LRRC58: variants seen among roughly 807,000 people sequenced by gnomAD.
The protein encoded by LRRC58 is leucine rich repeat containing 58.
LRRC58 carries 18 observed loss-of-function variants against 30.6 expected under a neutral mutation model. The ratio of observed to expected loss-of-function variants is 0.59; its 90% CI spans 0.41 to 0.87. The LOEUF (loss-of-function observed/expected upper bound fraction) is 0.87. LRRC58 is among the 40% of genes least tolerant of loss of function. LRRC58 has a pLI of 0.00. For missense variants in LRRC58, 420 were observed against 468.4 expected (o/e 0.90, Z 0.95); for synonymous variants, 221 against 206.0 (o/e 1.07, Z -0.62).
rs758558397 is a variant in LRRC58 at position 120,330,118 on chromosome 3, GT to G, written c.*1081del. The stretch of plus-strand genomic sequence containing the variant: ...TTGTGATGTTTTTCTAGTTGTATTA[GT>G]TTTTCTTTAAAAAGTAGAGAAAGAT... On this transcript the variant is annotated 3_prime_UTR_variant, in exon 4 of 4. Transcript: ENST00000295628. 5.9e-5 allele frequency: 9 copies of G among 151,856 alleles called. No homozygotes were observed. The highest frequency in any genetic ancestry group is 5.3e-4 in the Admixed American group (8 of 15,238). 9.4% of individuals were successfully genotyped at this position (151,856 alleles called of 1,614,324 possible). A position where few individuals can be genotyped will look rare whatever the true frequency, so the allele number is the denominator to read the frequency against.
intron 3 of LRRC58, 89 bp from the exon 4 acceptor site, chr3:120,331,497 T>G: frequency 1.1e-6 from 1 of 904,494 alleles, no homozygotes; most frequent in Non-Finnish European, 1.8e-6. Flanking sequence ...TGGAGAAATG[T>G]CATACACCAT....
chr3:120,347,376 A>ATTTTTTTTTTTTT (rs1208688984), intron 1 of LRRC58, among the ~76,000 whole-genome samples: 4 of 51,106 alleles, frequency 7.8e-5, no homozygotes, highest in Admixed American at 2.2e-4. Flanking sequence ...CCAGGCCAAT[A>ATTTTTTTTTTTTT]TTCTTTTTTT....
At chr3:120,347,188 A>G (rs1935978684) in intron 1 of LRRC58, among the ~76,000 whole-genome samples, 1 of 152,074 alleles carries the variant, frequency 6.6e-6, no homozygotes, top group African/African-American at 2.4e-5. Context: ...TTGTATCCCC[A>G]ATACTTGGGA....
At position 120,349,016 on chromosome 3, in the gene LRRC58, G is replaced by T. The variant is rs1487994688; in HGVS notation, c.228C>A (p.Ser76Arg). The T allele has an allele frequency of 6.6e-7, 1 of 1,519,652 alleles. No homozygotes were observed. Among genetic ancestry groups the T allele is most frequent in the Non-Finnish European group, 8.8e-7 (1 of 1,140,962 alleles). 94.1% of individuals were successfully genotyped at this position (1,519,652 alleles called of 1,614,324 possible). The change falls in exon 1 of 4, where the codon AGC becomes AGA. Residue 76 changes from serine (S) to arginine (R), a missense_variant. Around this residue, in one of 2 missense-constraint regions of LRRC58, gnomAD observed 266 missense variants for 251.7 expected, o/e 1.06. Transcript: ENST00000295628. Reference sequence around the variant, plus strand: ...GCCCGAGCGCGGTCAACGCGTTGCCGCTCACGTCCAGCAGCTGGAGGTGCG... The same window carrying T: ...GCCCGAGCGCGGTCAACGCGTTGCCTCTCACGTCCAGCAGCTGGAGGTGCG... ...GFPHLQLLDVSGNALTALGPE... is the reference protein window; with the variant it reads ...GFPHLQLLDVRGNALTALGPE...
intron 1 of LRRC58, among the ~76,000 whole-genome samples, chr3:120,345,115 T>TAAAA (rs5852243): frequency 1.4e-5 from 2 of 147,992 alleles, no homozygotes; most frequent in Non-Finnish European, 3.0e-5. Context: ...CAGAAAACGT[T>TAAAA]AAAAAAAAAA....
At chr3:120,343,024 A>C (rs1935923454) in intron 1 of LRRC58, among the ~76,000 whole-genome samples, 2 of 152,236 alleles carry the variant, frequency 1.3e-5, no homozygotes, top group African/African-American at 4.8e-5. Context: ...ATCATTTGCT[A>C]CTTGATGTCT....
rs1936022500 is a variant in LRRC58 at position 120,349,224 on chromosome 3, G to A, written c.20C>T (p.Ala7Val). Reference sequence around the variant, plus strand: ...TTCGGCCTCCCCGGCCGTGACCACCGCTGCTCCGGCCTCCTCCATCCTGGC... The same window carrying A: ...TTCGGCCTCCCCGGCCGTGACCACCACTGCTCCGGCCTCCTCCATCCTGGC... MEEAGA[A>V]VVTAGEAELN... Residue 7 changes from alanine to valine, a missense_variant, in exon 1 of 4, where the codon GCG becomes GTG. Around this residue, in one of 2 missense-constraint regions of LRRC58, gnomAD observed 266 missense variants for 251.7 expected, o/e 1.06. Coordinates refer to ENST00000295628, the MANE Select transcript of LRRC58 (RefSeq NM_001099678.2). 2 of 1,415,382 alleles carry A rather than the reference G, an allele frequency of 1.4e-6. No homozygotes were observed. Among genetic ancestry groups the A allele is most frequent in the Non-Finnish European group, 1.8e-6 (2 of 1,090,894 alleles). The allele number at this position is 1,415,382 out of a possible 1,614,324, so 87.7% of individuals were successfully genotyped here.
intron 1 of LRRC58, among the ~76,000 whole-genome samples, chr3:120,339,714 A>C (rs1935880507): frequency 6.6e-6 from 1 of 152,046 alleles, no homozygotes; most frequent in Non-Finnish European, 1.5e-5. Flanking sequence ...ATTCATCTTT[A>C]ATGTTCTAAA....
intron 3 of LRRC58, 43 bp from the exon 4 acceptor site, chr3:120,331,451 G>T (rs746570514): frequency 6.8e-7 from 1 of 1,476,128 alleles, no homozygotes; most frequent in Admixed American, 1.7e-5. Flanking sequence ...ACAAAGCAAG[G>T]AATCAATTTC....
chr3:120,324,550 A>G lies in LRRC58; in HGVS notation c.*6650T>C, dbSNP rs1460181153. ...TTTAATGTATGTATTCAATGATGTA[A>G]CAAGTAATCAGGCAAATATCAACAT... On this transcript the variant is annotated 3_prime_UTR_variant, in exon 4 of 4. Transcript: ENST00000295628. The G allele has an allele frequency of 6.6e-6, 1 of 152,238 alleles. No individual in the cohort carries two copies. The highest frequency in any genetic ancestry group is 6.5e-5 in the Admixed American group (1 of 15,284). The allele number at this position is 152,238 out of a possible 1,614,324, so 9.4% of individuals were successfully genotyped here.
rs916384548 is a variant in LRRC58, at chr3:120,329,481, C to T, written c.*1719G>A. On this transcript the variant is annotated 3_prime_UTR_variant, in exon 4 of 4. Coordinates refer to ENST00000295628, the MANE Select transcript of LRRC58 (RefSeq NM_001099678.2). Reference sequence around the variant, plus strand: ...TCAAAAGGAAAACAAAATCTTACTACATTATAACAAGGTAAAGGTGAAGGG... The same window carrying T: ...TCAAAAGGAAAACAAAATCTTACTATATTATAACAAGGTAAAGGTGAAGGG... 2.6e-5 allele frequency: 4 copies of T among 152,012 alleles called. No homozygotes were observed. The highest frequency in any genetic ancestry group is 9.7e-5 in the African/African-American group (4 of 41,428). 9.4% of individuals were successfully genotyped at this position (152,012 alleles called of 1,614,324 possible).
At chr3:120,348,659 A>G in intron 1 of LRRC58, 85 bp downstream of exon 1, 2 of 1,408,106 alleles carry the variant, frequency 1.4e-6, no homozygotes, top group South Asian at 3.1e-5. Flanking sequence ...GTTACGTGAC[A>G]AACGTTGAGG....
chr3:120,347,795 A>G (rs1423969315), intron 1 of LRRC58, among the ~76,000 whole-genome samples: 1 of 152,218 alleles, frequency 6.6e-6, no homozygotes, highest in Admixed American at 6.5e-5. Flanking sequence ...TATCTTACAG[A>G]TGGAAGATAC....
intron 1 of LRRC58, 45 bp downstream of exon 1, chr3:120,348,699 G>T (rs1400124724): frequency 6.7e-7 from 1 of 1,492,422 alleles, no homozygotes; most frequent in Non-Finnish European, 8.9e-7. Context: ...AGGGTTCCCG[G>T]ACACCGCCCG....
rs1372161508 is a variant in LRRC58, at chr3:120,331,101, A to C, written c.*99T>G. 2 of 1,006,290 alleles carry C rather than the reference A, an allele frequency of 2.0e-6. No homozygotes were observed. The highest frequency in any genetic ancestry group is 4.0e-5 in the Admixed American group (2 of 49,474). The allele number at this position is 1,006,290 out of a possible 1,614,324, so 62.3% of individuals were successfully genotyped here. On this transcript the variant is annotated 3_prime_UTR_variant, in exon 4 of 4. Transcript: ENST00000295628. ...ATCCCAGACTCTTTGATGAACACTT[A>C]AGATGAAGATAAGATTTCTAGTGAA...
At chr3:120,339,689 T>C (rs889870035) in intron 1 of LRRC58, among the ~76,000 whole-genome samples, 5 of 152,046 alleles carry the variant, frequency 3.3e-5, no homozygotes, top group Non-Finnish European at 7.4e-5. Flanking sequence ...TCAATAGGAG[T>C]AAAGATTTTT....
At chr3:120,332,358 A>G (rs551672649) in intron 3 of LRRC58, among the ~76,000 whole-genome samples, 3 of 152,100 alleles carry the variant, frequency 2.0e-5, no homozygotes, top group African/African-American at 7.2e-5. Context: ...TTCTACTTCT[A>G]TTTTTTTCCT....
intron 3 of LRRC58, among the ~76,000 whole-genome samples, chr3:120,333,045 T>C (rs974212008): frequency 1.3e-5 from 2 of 150,594 alleles, no homozygotes; most frequent in African/African-American, 2.5e-5. Flanking sequence ...TGAGCCGAGA[T>C]TGTGCCACTG....
rs1935722688 is a variant in LRRC58, at chr3:120,329,310, T to C, written c.*1890A>G. 1 of 152,142 alleles carries C rather than the reference T, an allele frequency of 6.6e-6. No homozygotes were observed. The allele number at this position is 152,142 out of a possible 1,614,324, so 9.4% of individuals were successfully genotyped here. A position where few individuals can be genotyped will look rare whatever the true frequency, so the allele number is the denominator to read the frequency against. ...CTAAGTCATCTTTACCTTTCATAACTGTACAGTCTGCAGCTTGCTGTGGCC... is the reference window on the plus strand; with the variant it reads ...CTAAGTCATCTTTACCTTTCATAACCGTACAGTCTGCAGCTTGCTGTGGCC... On this transcript the variant is annotated 3_prime_UTR_variant, in exon 4 of 4. Transcript: ENST00000295628.
Sources: gnomAD v4.1 joint callset for allele counts (sites outside exome capture counted in the v4.1 genomes callset) on GRCh38, gnomAD v4.1.1 for gene constraint, gnomAD v4.1.1 regional missense constraint, MANE v1.5 for transcripts, NCBI Gene and HGNC (gene_info 2026-07-23, HGNC 2026-07-21) for gene names.